Variants in LRFN5 observed in about 807,000 individuals in gnomAD.
LRFN5 encodes the protein leucine rich repeat and fibronectin type III domain containing 5.
In LRFN5, 24 loss-of-function variants were observed where a neutral mutation model predicts 45.6. The observed-to-expected ratio is 0.53, with a 90% CI of 0.38 to 0.74. LRFN5 has a LOEUF of 0.74. Ranked by LOEUF, LRFN5 falls within the 30% of genes least tolerant of loss-of-function variation. The probability of loss-of-function intolerance (pLI) is 0.00; values close to 1 mark genes in which losing one functional copy is unlikely to be tolerated. For missense variants in LRFN5, 776 were observed against 861.5 expected (o/e 0.90, Z 1.24); for synonymous variants, 340 against 313.8 (o/e 1.08, Z -0.88).
In LRFN5 at chr14:41,746,154, G is replaced by A. The variant is rs74868647; in HGVS notation, c.-196-20700G>A. ...CAGCATATTAAAAGGATTATATACC[G>A]ACTGACTGTGTGTGACTTATTCCTA... is the stretch of plus-strand genomic sequence containing the variant. On this transcript the variant is annotated intron_variant, in intron 1 of 5. Coordinates refer to ENST00000298119, the MANE Select transcript of LRFN5 (RefSeq NM_152447.5). Among the ~76,000 whole-genome samples the A allele has an allele frequency of 4.9e-3, 748 of 151,956 alleles. 30 individuals are homozygous for A. In the East Asian group the frequency reaches 0.12, roughly 24 times the overall value.
intron 2 of LRFN5, among the ~76,000 whole-genome samples, chr14:41,881,970 T>G (rs550590230): frequency 3.9e-5 from 6 of 152,352 alleles, no homozygotes; most frequent in African/African-American, 1.4e-4. Context: ...GATCTGCTTC[T>G]ATTAATCACT....
intron 1 of LRFN5, among the ~76,000 whole-genome samples, chr14:41,754,612 T>G (rs1030989955): frequency 6.6e-6 from 1 of 152,176 alleles, no homozygotes; most frequent in Non-Finnish European, 1.5e-5. Context: ...GGTGGTGATA[T>G]CCCCTTTATC....
At chr14:41,830,930 G>A (rs977353481) in intron 2 of LRFN5, among the ~76,000 whole-genome samples, 14 of 152,122 alleles carry the variant, frequency 9.2e-5, no homozygotes, top group South Asian at 2.1e-4. Flanking sequence ...TAGCTGTTGC[G>A]TCATTTCTTT....
intron 2 of LRFN5, among the ~76,000 whole-genome samples, chr14:41,786,932 G>A (rs530303350): frequency 7.9e-5 from 12 of 151,898 alleles, no homozygotes; most frequent in Middle Eastern, 3.4e-3. Context: ...ACCATCTTGT[G>A]TGTTTTTCAT....
At chr14:41,718,955 G>C (rs1287151318) in intron 1 of LRFN5, among the ~76,000 whole-genome samples, 2 of 152,166 alleles carry the variant, frequency 1.3e-5, no homozygotes, top group Non-Finnish European at 1.5e-5. Flanking sequence ...GCTTCCTCTT[G>C]TGACTGTAAG....
Position 41,732,129 on chromosome 14 carries a change from A to G in LRFN5, c.-196-34725A>G, listed in dbSNP as rs1057418344. Among the ~76,000 whole-genome samples the G allele has an allele frequency of 3.9e-5, 6 of 152,248 alleles. No individual in the cohort carries two copies. In the South Asian group the frequency reaches 8.3e-4, roughly 21 times the overall value. ...TTAATTTTGATCTTCCACTTCAGCT[A>G]CCCATCCCCTGCACCCAGTTCCAGG... is the stretch of plus-strand genomic sequence containing the variant. On this transcript the variant is annotated intron_variant, in intron 1 of 5. Transcript: ENST00000298119.
At chr14:41,693,899 G>T (rs947881177) in intron 1 of LRFN5, among the ~76,000 whole-genome samples, 1 of 151,950 alleles carries the variant, frequency 6.6e-6, no homozygotes, top group African/African-American at 2.4e-5. Context: ...CCCTTTATGA[G>T]TTGCAGACCA....
chr14:41,762,558 A>C (rs1885715850), intron 1 of LRFN5, among the ~76,000 whole-genome samples: 1 of 152,122 alleles, frequency 6.6e-6, no homozygotes, highest in Admixed American at 6.5e-5. Flanking sequence ...TTTTAATAAT[A>C]GTGTTTATAT....
At chr14:41,878,884 A>G (rs1435183185) in intron 2 of LRFN5, among the ~76,000 whole-genome samples, 1 of 152,142 alleles carries the variant, frequency 6.6e-6, no homozygotes, top group Non-Finnish European at 1.5e-5. Context: ...TATAATAAAT[A>G]TGTCAAGGAT....
chr14:41,860,363 A>G (rs547026650), intron 2 of LRFN5, among the ~76,000 whole-genome samples: 1 of 152,292 alleles, frequency 6.6e-6, no homozygotes, highest in South Asian at 2.1e-4. Context: ...TCTCCTTTTT[A>G]ATCCAATCTT....
At chr14:41,897,334 TTTCTC>T (rs1890974560) in intron 4 of LRFN5, among the ~76,000 whole-genome samples, 1 of 151,770 alleles carries the variant, frequency 6.6e-6, no homozygotes, top group Admixed American at 6.6e-5. Context: ...TAATCACTGA[TTTCTC>T]TGGTAAGTGT....
intron 1 of LRFN5, among the ~76,000 whole-genome samples, chr14:41,610,697 ATTAAATAATGAAATAAATGAAAGG>A (rs1887723211): frequency 7.4e-6 from 1 of 134,992 alleles, no homozygotes; most frequent in Non-Finnish European, 1.6e-5. Context: ...TATTGCCTGG[ATTAAATAATGAAATAAATGAAAGG>A]TAACAGATAA....
At chr14:41,704,408 T>TTCTCTCTCTC (rs141458106) in intron 1 of LRFN5, among the ~76,000 whole-genome samples, 12 of 102,350 alleles carry the variant, frequency 1.2e-4, no homozygotes, top group African/African-American at 3.3e-4. Flanking sequence ...TGTTATACTT[T>TTCTCTCTCTC]TCTCTCTCTC....
intron 1 of LRFN5, among the ~76,000 whole-genome samples, chr14:41,689,768 G>A (rs1285504652): frequency 6.7e-6 from 1 of 150,288 alleles, no homozygotes; most frequent in African/African-American, 2.4e-5. Flanking sequence ...GATGGCGGGC[G>A]CCTGTAGTCC....
chr14:41,627,918 A>G (rs1321917175), intron 1 of LRFN5, among the ~76,000 whole-genome samples: 1 of 152,148 alleles, frequency 6.6e-6, no homozygotes, highest in Admixed American at 6.5e-5. Flanking sequence ...AATGAAATGT[A>G]CTTAGTTTCT....
At chr14:41,783,993 T>TA (rs1340542496) in intron 2 of LRFN5, among the ~76,000 whole-genome samples, 1 of 152,162 alleles carries the variant, frequency 6.6e-6, no homozygotes, top group Non-Finnish European at 1.5e-5. Context: ...AAGCTTATTT[T>TA]ACCTTTCACA....
chr14:41,760,880 A>T (rs555868111), intron 1 of LRFN5, among the ~76,000 whole-genome samples: 1 of 152,246 alleles, frequency 6.6e-6, no homozygotes, highest in East Asian at 1.9e-4. Context: ...CTCCATGAAT[A>T]CACTAACACG....
At chr14:41,612,395 T>C (rs186334113) in intron 1 of LRFN5, among the ~76,000 whole-genome samples, 4 of 152,302 alleles carry the variant, frequency 2.6e-5, no homozygotes, top group African/African-American at 4.8e-5. Context: ...TCAGTGATTT[T>C]TATTTTCTGT....
At chr14:41,758,399 G>T (rs1885506527) in intron 1 of LRFN5, among the ~76,000 whole-genome samples, 1 of 152,142 alleles carries the variant, frequency 6.6e-6, no homozygotes, top group African/African-American at 2.4e-5. Context: ...TACTTTCAAA[G>T]AAGTAACCCT....
Sources: gnomAD v4.1 joint callset for allele counts (sites outside exome capture counted in the v4.1 genomes callset) on GRCh38, gnomAD v4.1.1 for gene constraint, MANE v1.5 for transcripts, NCBI Gene and HGNC (gene_info 2026-07-23, HGNC 2026-07-21) for gene names.